Variants in ARPC2 observed in about 807,000 individuals in gnomAD.
ARPC2 encodes the protein actin-related protein 2/3 complex subunit 2.
Under a neutral mutation model 38.6 loss-of-function variants are expected in ARPC2, and 4 were observed. The ratio of observed to expected loss-of-function variants is 0.10; its 90% CI spans 0.05 to 0.24. ARPC2 has a LOEUF of 0.24. Among genes scored for constraint, ARPC2 ranks in the 10% least tolerant of loss-of-function variants. The probability of loss-of-function intolerance (pLI) is 1.00; values close to 1 mark genes in which losing one functional copy is unlikely to be tolerated. For missense variants in ARPC2, 229 were observed against 387.3 expected, an observed-to-expected ratio of 0.59 and a Z score of 3.43; for synonymous variants, 125 against 140.8, an observed-to-expected ratio of 0.89 and a Z score of 0.79.
At chr2:218,235,134 CTG>C in intron 5 of ARPC2, 1 of 299,548 alleles carries the variant, frequency 3.3e-6, no homozygotes, top group Non-Finnish European at 6.5e-6. Flanking sequence ...AGGAAGTTCT[CTG>C]TCACTCTTAA....
intron 4 of ARPC2, 196 bp from the exon 5 acceptor site, chr2:218,234,156 A>G (rs1395082729): frequency 1.4e-5 from 7 of 503,960 alleles, no homozygotes; most frequent in Non-Finnish European, 2.4e-5. Context: ...GCATAAAAAG[A>G]TACTCATCTC....
chr2:218,242,144 G>A (rs1157828960), intron 7 of ARPC2, among the ~76,000 whole-genome samples: 2 of 152,182 alleles, frequency 1.3e-5, no homozygotes, highest in African/African-American at 4.8e-5. Context: ...CATTTGGCAA[G>A]CAGGCTCTGA....
intron 7 of ARPC2, among the ~76,000 whole-genome samples, chr2:218,245,076 A>G (rs75221139): frequency 6.6e-6 from 1 of 152,338 alleles, no homozygotes; most frequent in East Asian, 1.9e-4. Context: ...CTAAATAGCA[A>G]CAGGATCCTC....
intron 2 of ARPC2, 84 bp downstream of exon 2, chr2:218,217,628 C>G: frequency 1.4e-5 from 19 of 1,392,882 alleles, no homozygotes; most frequent in Non-Finnish European, 1.9e-5. Context: ...TCCCCCAGAC[C>G]TGGAGGAGAG....
intron 2 of ARPC2, among the ~76,000 whole-genome samples, chr2:218,221,926 A>C (rs1220788467): frequency 6.6e-6 from 1 of 152,172 alleles, no homozygotes; most frequent in Non-Finnish European, 1.5e-5. Context: ...AATTCCTCTA[A>C]TTCAGGACAT....
At chr2:218,226,860 G>A (rs188372237) in intron 3 of ARPC2, 1 of 212,184 alleles carries the variant, frequency 4.7e-6, no homozygotes, top group Non-Finnish European at 1.0e-5. Flanking sequence ...TCAAGTAGCT[G>A]TCAGTCTTAG....
At chr2:218,228,069 G>A (rs1011607102) in intron 3 of ARPC2, among the ~76,000 whole-genome samples, 1 of 152,110 alleles carries the variant, frequency 6.6e-6, no homozygotes, top group African/African-American at 2.4e-5. Flanking sequence ...TAAATCAATG[G>A]GAAGGAGGAT....
intron 2 of ARPC2, among the ~76,000 whole-genome samples, chr2:218,220,834 G>A (rs1015992182): frequency 6.6e-6 from 1 of 152,176 alleles, no homozygotes; most frequent in Non-Finnish European, 1.5e-5. Context: ...CTTCTGGGAA[G>A]TGGCTTATTG....
intron 10 of ARPC2, among the ~76,000 whole-genome samples, chr2:218,251,123 T>C (rs1690178937): frequency 6.6e-6 from 1 of 152,142 alleles, no homozygotes; most frequent in Non-Finnish European, 1.5e-5. Context: ...CCAGTTGAAC[T>C]AAAAGTCTTG....
chr2:218,232,099 G>T (rs1162809712), intron 4 of ARPC2, among the ~76,000 whole-genome samples: 1 of 152,106 alleles, frequency 6.6e-6, no homozygotes, highest in Non-Finnish European at 1.5e-5. Flanking sequence ...AAATTAGCTT[G>T]GTGTGGTGGT....
intron 9 of ARPC2, 88 bp from the exon 10 acceptor site, chr2:218,249,733 C>A: frequency 7.7e-7 from 1 of 1,306,162 alleles, no homozygotes. Flanking sequence ...TGTTCCCAAC[C>A]GCCCTTGATG....
At chr2:218,246,657 A>G (rs893596886) in intron 8 of ARPC2, among the ~76,000 whole-genome samples, 1 of 152,104 alleles carries the variant, frequency 6.6e-6, no homozygotes, top group Middle Eastern at 3.4e-3. Context: ...CCTGGATAAC[A>G]TGGTGCAGGC....
intron 7 of ARPC2, among the ~76,000 whole-genome samples, chr2:218,243,787 A>G (rs1366357062): frequency 6.6e-6 from 1 of 152,208 alleles, no homozygotes; most frequent in African/African-American, 2.4e-5. Flanking sequence ...AAAAAGAAAG[A>G]AAGAATAGGC....
chr2:218,241,305 CTAAT>C (rs1335844345), intron 7 of ARPC2, among the ~76,000 whole-genome samples: 1 of 152,092 alleles, frequency 6.6e-6, no homozygotes, highest in African/African-American at 2.4e-5. Context: ...TGTATTTTGG[CTAAT>C]TAATCAGAAA....
intron 4 of ARPC2, among the ~76,000 whole-genome samples, chr2:218,229,733 G>A (rs554295743): frequency 6.6e-6 from 1 of 152,266 alleles, no homozygotes; most frequent in Admixed American, 6.5e-5. Context: ...AATACCAAGA[G>A]CCATTGGTTG....
intron 8 of ARPC2, among the ~76,000 whole-genome samples, chr2:218,246,172 G>A (rs1322337821): frequency 1.3e-5 from 2 of 150,272 alleles, no homozygotes; most frequent in Admixed American, 6.6e-5. Context: ...AGCTGAGATC[G>A]TGCCACTGGA....
At chr2:218,227,656 T>A (rs1019005270) in intron 3 of ARPC2, among the ~76,000 whole-genome samples, 3 of 151,756 alleles carry the variant, frequency 2.0e-5, no homozygotes, top group African/African-American at 4.8e-5. Context: ...AATGGCATGA[T>A]CTTGGCTCAC....
At chr2:218,248,013 C>G (rs1317866105) in intron 8 of ARPC2, among the ~76,000 whole-genome samples, 1 of 151,604 alleles carries the variant, frequency 6.6e-6, no homozygotes. Context: ...CTCCTGGCCT[C>G]AAGCAATCCA....
intron 4 of ARPC2, among the ~76,000 whole-genome samples, chr2:218,230,287 CTTTTTTTTTTTTTT>C (rs768585570): frequency 3.7e-4 from 27 of 73,010 alleles, no homozygotes; most frequent in Admixed American, 1.5e-3. Context: ...TTTTTTTTTT[CTTTTTTTTTTTTTT>C]TTTTTTTTTT....
Sources: gnomAD v4.1 joint callset for allele counts (sites outside exome capture counted in the v4.1 genomes callset) on GRCh38, gnomAD v4.1.1 for gene constraint, MANE v1.5 for transcripts, NCBI Gene and HGNC (gene_info 2026-07-23, HGNC 2026-07-21) for gene names.